SUSD4: variants seen among roughly 807,000 people sequenced by gnomAD.
The protein encoded by SUSD4 is sushi domain-containing protein 4.
A neutral mutation model predicts 50.5 loss-of-function variants in SUSD4; 41 were observed. The observed-to-expected ratio is 0.81, with a 90% confidence interval of 0.63 to 1.05. The LOEUF (loss-of-function observed/expected upper bound fraction) is 1.05. Ranked by LOEUF, SUSD4 falls within the 50% of genes least tolerant of loss-of-function variation. The pLI is 0.00. For missense variants in SUSD4, 580 were observed against 634.7 expected, an observed-to-expected ratio of 0.91 and a Z score of 0.93; for synonymous variants, 257 against 257.3, an observed-to-expected ratio of 1.00 and a Z score of 0.01.
chr1:223,268,013 T>TATATATATA (rs1553291074), intron 4 of SUSD4, among the ~76,000 whole-genome samples: 3,062 of 52,416 alleles, frequency 0.058, 161 homozygotes, highest in East Asian at 0.076. Flanking sequence ...CATGCATTTT[T>TATATATATA]TATATATATA....
At chr1:223,246,838 C>T (rs186574457) in intron 5 of SUSD4, among the ~76,000 whole-genome samples, 35 of 152,262 alleles carry the variant, frequency 2.3e-4, no homozygotes, top group African/African-American at 8.2e-4. Flanking sequence ...TGTTTCATTA[C>T]ATGCAAAATA....
chr1:223,258,664 A>G (rs1224167078), intron 5 of SUSD4, among the ~76,000 whole-genome samples: 6 of 152,148 alleles, frequency 3.9e-5, no homozygotes, highest in Non-Finnish European at 7.3e-5. Flanking sequence ...AATCTTTTGA[A>G]ATTGTCAGCA....
At chr1:223,363,615 T>TC (rs1171001562) in intron 1 of SUSD4, 155 bp from the exon 2 acceptor site, 1 of 787,682 alleles carries the variant, frequency 1.3e-6, no homozygotes, top group African/African-American at 1.8e-5. Context: ...CACGGCGAGG[T>TC]CCCCCGCCTT....
intron 3 of SUSD4, among the ~76,000 whole-genome samples, chr1:223,280,931 A>T (rs1663673437): frequency 6.6e-6 from 1 of 152,208 alleles, no homozygotes; most frequent in African/African-American, 2.4e-5. Context: ...GGATTAAGAA[A>T]CTCACTCAAC....
At chr1:223,270,672 A>C (rs984739843) in intron 3 of SUSD4, among the ~76,000 whole-genome samples, 1 of 152,046 alleles carries the variant, frequency 6.6e-6, no homozygotes, top group Non-Finnish European at 1.5e-5. Context: ...CAGGTCCAAG[A>C]AATTATTCTG....
intron 2 of SUSD4, among the ~76,000 whole-genome samples, chr1:223,335,233 T>C (rs970465021): frequency 3.3e-5 from 5 of 152,214 alleles, no homozygotes; most frequent in African/African-American, 4.8e-5. Context: ...TCTGGGTAGA[T>C]ACCCAGTAGT....
chr1:223,344,263 T>C (rs1667912006), intron 2 of SUSD4, among the ~76,000 whole-genome samples: 1 of 152,160 alleles, frequency 6.6e-6, no homozygotes, highest in Non-Finnish European at 1.5e-5. Flanking sequence ...GTGTTTGGCA[T>C]ACATGGTGTA....
At chr1:223,365,034 A>G (rs1308286709), upstream of SUSD4, among the ~76,000 whole-genome samples, 1 of 151,478 alleles carries the variant, frequency 6.6e-6, no homozygotes, top group Non-Finnish European at 1.5e-5. Context: ...TTGGCCTGGG[A>G]GGCGCTCCCG....
Position 223,229,425 on chromosome 1 carries a change from C to A in SUSD4, c.725-37G>T. ...GGGGAGAATAAAAGTTTCAGAACCACAAGCTCACCTTTGTCTGAAGCCCCT... is the reference window on the plus strand; with the variant it reads ...GGGGAGAATAAAAGTTTCAGAACCAAAAGCTCACCTTTGTCTGAAGCCCCT... On this transcript the variant is annotated intron_variant, in intron 5 of 8. Transcript: ENST00000366878. The surrounding 1 kb of genome is among the most constrained non-coding windows in gnomAD (Gnocchi z 4.7). 6.4e-7 allele frequency: 1 copy of A among 1,551,778 alleles called. No homozygotes were observed. The highest frequency in any genetic ancestry group is 8.8e-7 in the Non-Finnish European group (1 of 1,136,666).
chr1:223,345,155 A>G (rs931840811), intron 2 of SUSD4, among the ~76,000 whole-genome samples: 1 of 152,230 alleles, frequency 6.6e-6, no homozygotes, highest in Admixed American at 6.5e-5. Context: ...GCTCACAAAC[A>G]TACAGTGAAA....
At chr1:223,306,837 C>T (rs1299619299) in intron 2 of SUSD4, among the ~76,000 whole-genome samples, 1 of 151,854 alleles carries the variant, frequency 6.6e-6, no homozygotes, top group South Asian at 2.1e-4. Context: ...TTCTAAAGCA[C>T]ATCCTTATTA....
At chr1:223,257,264 G>A (rs894672459) in intron 5 of SUSD4, among the ~76,000 whole-genome samples, 1 of 152,172 alleles carries the variant, frequency 6.6e-6, no homozygotes, top group Non-Finnish European at 1.5e-5. Context: ...AGCACCTTGG[G>A]AGGCCGAGGT....
At chr1:223,282,975 A>G (rs1221392594) in intron 3 of SUSD4, among the ~76,000 whole-genome samples, 1 of 152,240 alleles carries the variant, frequency 6.6e-6, no homozygotes, top group East Asian at 1.9e-4. Context: ...ACCTGACAAA[A>G]ACTAGCAATG....
At chr1:223,272,979 C>T (rs982481798) in intron 3 of SUSD4, among the ~76,000 whole-genome samples, 1 of 152,158 alleles carries the variant, frequency 6.6e-6, no homozygotes, top group Non-Finnish European at 1.5e-5. Context: ...CCACGATGAA[C>T]ACATAGCAAG....
At chr1:223,232,655 C>T (rs962956722) in intron 5 of SUSD4, among the ~76,000 whole-genome samples, 1 of 152,184 alleles carries the variant, frequency 6.6e-6, no homozygotes, top group Non-Finnish European at 1.5e-5. Context: ...GCAAATGGTC[C>T]CATGGTGTGC....
chr1:223,333,232 T>C (rs920278875), intron 2 of SUSD4, among the ~76,000 whole-genome samples: 4 of 152,128 alleles, frequency 2.6e-5, no homozygotes, highest in Non-Finnish European at 4.4e-5. Flanking sequence ...AGCTTAGATC[T>C]ACGTGCATTT....
At chr1:223,336,644 T>G (rs753180895) in intron 2 of SUSD4, among the ~76,000 whole-genome samples, 2 of 152,194 alleles carry the variant, frequency 1.3e-5, no homozygotes, top group Non-Finnish European at 2.9e-5. Flanking sequence ...TATGGACTTG[T>G]ATGAACTGGC....
At chr1:223,316,376 T>G (rs1328180895) in intron 2 of SUSD4, among the ~76,000 whole-genome samples, 1 of 152,122 alleles carries the variant, frequency 6.6e-6, no homozygotes, top group African/African-American at 2.4e-5. Flanking sequence ...TCCCATGGCT[T>G]ACAGGGTTAT....
rs199636537 is a variant in SUSD4, at chr1:223,223,510, T to G, written c.1183A>C (p.Met395Leu). The G allele has an allele frequency of 2.0e-5, 32 of 1,613,128 alleles. No individual in the cohort carries two copies. In the East Asian group the frequency reaches 2.5e-4, roughly 12 times the overall value. ...GGGCAGCCCTGGCCCACAGAGGCCATGTACCCGGGGCCTAAGGCACTCAAG... is the reference window on the plus strand; with the variant it reads ...GGGCAGCCCTGGCCCACAGAGGCCAGGTACCCGGGGCCTAAGGCACTCAAG... ...GGLSALGPGY[M>L]ASVGQGCPLP... is the part of the protein sequence containing the mutation. Residue 395 changes from methionine (M) to leucine (L), a missense_variant, in exon 8 of 9, where the codon ATG becomes CTG. Met to Leu is a conservative substitution (Grantham distance 15). Coordinates refer to ENST00000366878, the MANE Select transcript of SUSD4 (RefSeq NM_017982.4).
Sources: allele counts gnomAD v4.1 joint callset (sites outside exome capture counted in the v4.1 genomes callset), GRCh38; gene constraint gnomAD v4.1.1; non-coding constraint Gnocchi (gnomAD v3.1); transcripts MANE v1.5; gene names NCBI Gene and HGNC (gene_info 2026-07-23, HGNC 2026-07-21).